The following TACC1 variants were observed in gnomAD, a reference collection of about 807,000 sequenced individuals.
TACC1 encodes transforming acidic coiled-coil containing protein 1.
In TACC1, 48 loss-of-function variants were observed where a neutral mutation model predicts 84.4. That is an observed-to-expected ratio of 0.57 (90% CI 0.45 to 0.72). The LOEUF is 0.72. Ranked by LOEUF, TACC1 falls within the 30% of genes least tolerant of loss-of-function variation. TACC1 has a pLI of 0.00. For missense variants in TACC1, 920 were observed against 973.0 expected, an observed-to-expected ratio of 0.95 and a Z score of 0.72; for synonymous variants, 372 against 376.3, an observed-to-expected ratio of 0.99 and a Z score of 0.13.
At chr8:38,787,128 C>T, upstream of TACC1, 2 of 983,442 alleles carry the variant, frequency 2.0e-6, no homozygotes, top group South Asian at 4.7e-5. Context: ...AAAGCCCCGG[C>T]GCCGCCGCCG....
At chr8:38,817,919 TAAAAAAAAA>T (rs60301511) in intron 2 of TACC1, among the ~76,000 whole-genome samples, 5 of 47,796 alleles carry the variant, frequency 1.0e-4, no homozygotes, top group South Asian at 1.0e-3. Flanking sequence ...GAGAGACCCC[TAAAAAAAAA>T]AAAAAAAAAA....
At chr8:38,732,754 T>G (rs1805212139) in intron 1 of TACC1, among the ~76,000 whole-genome samples, 1 of 152,202 alleles carries the variant, frequency 6.6e-6, no homozygotes. Context: ...GGAGACAAAA[T>G]GCACAAAAGC....
intron 1 of TACC1, among the ~76,000 whole-genome samples, chr8:38,730,058 G>C (rs1398393293): frequency 1.3e-5 from 2 of 152,194 alleles, no homozygotes; most frequent in African/African-American, 4.8e-5. Context: ...TTAAAAGCAT[G>C]CTTTTGAAAC....
chr8:38,829,711 A>G (rs1828831749), intron 5 of TACC1, among the ~76,000 whole-genome samples: 1 of 152,252 alleles, frequency 6.6e-6, no homozygotes, highest in Non-Finnish European at 1.5e-5. Flanking sequence ...AATTCCTTCA[A>G]TAAAAATTTA....
At chr8:38,814,778 A>G (rs1039317413) in intron 2 of TACC1, among the ~76,000 whole-genome samples, 3 of 152,246 alleles carry the variant, frequency 2.0e-5, no homozygotes, top group African/African-American at 7.2e-5. Flanking sequence ...GAAGTACTAA[A>G]AGAACCAAAT....
rs377134778 is a variant in TACC1 at position 38,827,330 on chromosome 8, G to A, written c.1615G>A (p.Val539Ile). 4.3e-6 allele frequency: 7 copies of A among 1,614,080 alleles called. No individual in the cohort carries two copies. The African/African-American group carries it at 5.3e-5, about 12-fold the overall frequency. The change falls in exon 5 of 13, where the codon GTT (valine) becomes ATT (isoleucine). Residue 539 changes from valine to isoleucine, a missense_variant. By Grantham distance (29) the Val-to-Ile change is conservative (BLOSUM62 3). This residue lies in a region of TACC1 where 762 missense variants were observed against 747.3 expected (regional missense o/e 1.02). Coordinates refer to ENST00000317827, the MANE Select transcript of TACC1 (RefSeq NM_006283.3). ...CCTGGAGTACTTTGAATGTTCCAAT[G>A]TTCCTGTGTCTACCATAAATCATGC... Reference protein sequence around the residue: ...EDLEYFECSNVPVSTINHAFS... With the variant: ...EDLEYFECSNIPVSTINHAFS...
intron 3 of TACC1, among the ~76,000 whole-genome samples, chr8:38,752,397 G>A (rs1236989440): frequency 6.6e-6 from 1 of 152,178 alleles, no homozygotes; most frequent in Non-Finnish European, 1.5e-5. Context: ...CTTGAACCCA[G>A]GAGGCGGAGG....
chr8:38,843,222 C>G, intron 10 of TACC1, 67 bp from the exon 11 acceptor site: 1 of 1,083,466 alleles, frequency 9.2e-7, no homozygotes, highest in Non-Finnish European at 1.3e-6. Context: ...AAAATGAAAA[C>G]TCTGATATGT....
In TACC1 at chr8:38,791,696, G is replaced by A. The variant is rs569526936; in HGVS notation, c.277+2877G>A. ...GGTAAAGATAGTCTTTCATACTTTT[G>A]TGGTTCCAAGACATGGTTGGACCGC... is the stretch of plus-strand genomic sequence containing the variant. On this transcript the variant is annotated intron_variant, in intron 2 of 12. Transcript: ENST00000317827. Among the ~76,000 whole-genome samples, 10 of 152,218 alleles carry A rather than the reference G, an allele frequency of 6.6e-5. No homozygotes were observed. In the South Asian group the frequency reaches 2.1e-3, roughly 32 times the overall value.
Position 38,848,799 on chromosome 8 carries a change from C to T in TACC1, c.*776C>T, listed in dbSNP as rs1436707100. The T allele has an allele frequency of 6.6e-6, 1 of 152,156 alleles. No homozygotes were observed. Among genetic ancestry groups the T allele is most frequent in the Non-Finnish European group, 1.5e-5 (1 of 68,040 alleles). The allele number at this position is 152,156 out of a possible 1,614,324, so 9.4% of individuals were successfully genotyped here. ...CACTCCTCAGCTTTAATGGGTGTGG[C>T]CCCTTTAGGGTTAGTCCTCAGACTA... On this transcript the variant is annotated 3_prime_UTR_variant, in exon 13 of 13. Transcript: ENST00000317827.
At chr8:38,751,785 C>A (rs980481615) in intron 3 of TACC1, among the ~76,000 whole-genome samples, 1 of 151,336 alleles carries the variant, frequency 6.6e-6, no homozygotes, top group Non-Finnish European at 1.5e-5. Flanking sequence ...CACTTTATTG[C>A]AGTGGTGTGC....
chr8:38,806,351 C>A (rs924471318), intron 2 of TACC1, among the ~76,000 whole-genome samples: 1 of 152,154 alleles, frequency 6.6e-6, no homozygotes, highest in Admixed American at 6.5e-5. Context: ...TGGGTTTTCT[C>A]AGGTTCATCC....
intron 9 of TACC1, 130 bp from the exon 10 acceptor site, chr8:38,842,157 G>A (rs1713646243): frequency 9.4e-7 from 1 of 1,059,432 alleles, no homozygotes; most frequent in Admixed American, 2.3e-5. Context: ...CCCAACTAGA[G>A]TATAAGCCAT....
At chr8:38,828,384 A>C (rs1828565712) in intron 5 of TACC1, among the ~76,000 whole-genome samples, 1 of 152,224 alleles carries the variant, frequency 6.6e-6, no homozygotes, top group Non-Finnish European at 1.5e-5. Flanking sequence ...AAGATCAACA[A>C]GAGAAAAGTG....
At chr8:38,756,622 T>C (rs1478104162) in intron 3 of TACC1, among the ~76,000 whole-genome samples, 1 of 152,184 alleles carries the variant, frequency 6.6e-6, no homozygotes, top group African/African-American at 2.4e-5. Flanking sequence ...TGTCAGAGCC[T>C]AAAGGGACAT....
intron 6 of TACC1, among the ~76,000 whole-genome samples, chr8:38,831,576 A>G (rs183104133): frequency 1.4e-3 from 207 of 152,216 alleles, no homozygotes; most frequent in Middle Eastern, 6.8e-3. Context: ...GCTAACTGCA[A>G]CCTTCACCTC....
chr8:38,810,485 T>A (rs1163860884), intron 2 of TACC1, among the ~76,000 whole-genome samples: 1 of 152,104 alleles, frequency 6.6e-6, no homozygotes, highest in African/African-American at 2.4e-5. Context: ...ATGCCTGTTG[T>A]CTCAGTTTCT....
At chr8:38,825,644 G>A (rs1266685548) in intron 4 of TACC1, among the ~76,000 whole-genome samples, 1 of 152,038 alleles carries the variant, frequency 6.6e-6, no homozygotes, top group Non-Finnish European at 1.5e-5. Flanking sequence ...CCAGGGCACC[G>A]AAGGGAAGAT....
intron 3 of TACC1, among the ~76,000 whole-genome samples, chr8:38,781,131 T>C (rs1040223376): frequency 6.6e-6 from 1 of 152,160 alleles, no homozygotes; most frequent in Non-Finnish European, 1.5e-5. Flanking sequence ...TCACTGCCCC[T>C]TCCAACCACC....
Sources: allele counts gnomAD v4.1 joint callset (sites outside exome capture counted in the v4.1 genomes callset), GRCh38; gene constraint gnomAD v4.1.1; regional missense constraint gnomAD v4.1.1; transcripts MANE v1.5; gene names NCBI Gene and HGNC (gene_info 2026-07-23, HGNC 2026-07-21).